The following SEMA6D variants were observed in gnomAD, a reference collection of about 807,000 sequenced individuals.
SEMA6D encodes semaphorin-6D.
SEMA6D carries 35 observed loss-of-function variants against 106.6 expected under a neutral mutation model. The observed-to-expected ratio is 0.33, with a 90% CI of 0.25 to 0.44. The LOEUF (loss-of-function observed/expected upper bound fraction) is 0.44. Ranked by LOEUF, SEMA6D falls within the 20% of genes least tolerant of loss-of-function variation. The pLI is 1.00. For synonymous variants in SEMA6D, 499 were observed against 487.7 expected (o/e 1.02, Z -0.31); for missense variants, 1,185 against 1,345.9 (o/e 0.88, Z 1.87).
At chr15:47,446,528 T>C (rs575918836) in intron 2 of SEMA6D, among the ~76,000 whole-genome samples, 10 of 152,238 alleles carry the variant, frequency 6.6e-5, no homozygotes, top group Admixed American at 5.9e-4. Context: ...CAAATGTATG[T>C]TTAAACTCTG....
chr15:47,771,207 C>T lies in SEMA6D; in HGVS notation c.2644C>T (p.Leu882Phe), dbSNP rs143359595. Reference sequence around the variant, plus strand: ...TGATTCCAGAAATACCCTCAATGATCTCCTGAAGCATCTGAATGACCCAAA... The same window carrying T: ...TGATTCCAGAAATACCCTCAATGATTTCCTGAAGCATCTGAATGACCCAAA... ...SVDSRNTLND[L>F]LKHLNDPNSN... Residue 882 changes from leucine (L) to phenylalanine (F), a missense_variant, in exon 19 of 19, where the codon CTC becomes TTC. Coordinates refer to ENST00000536845, the MANE Select transcript of SEMA6D (RefSeq NM_001358351.3). The T allele has an allele frequency of 1.9e-6, 3 of 1,614,098 alleles. No individual in the cohort carries two copies. In the African/African-American group the frequency reaches 4.0e-5, roughly 22 times the overall value.
At chr15:47,727,188 C>G (rs1247475522) in intron 1 of SEMA6D, among the ~76,000 whole-genome samples, 1 of 152,188 alleles carries the variant, frequency 6.6e-6, no homozygotes, top group African/African-American at 2.4e-5. Context: ...TAAGCACACT[C>G]CAGGCCATCT....
intron 3 of SEMA6D, among the ~76,000 whole-genome samples, chr15:47,531,332 C>T (rs574300003): frequency 3.3e-5 from 5 of 152,228 alleles, no homozygotes; most frequent in African/African-American, 9.6e-5. Flanking sequence ...AACAGGAAAT[C>T]CTCATCATAA....
chr15:47,282,645 A>G (rs1007125121), intron 1 of SEMA6D, among the ~76,000 whole-genome samples: 1 of 152,114 alleles, frequency 6.6e-6, no homozygotes, highest in Non-Finnish European at 1.5e-5. Context: ...AGACTATTTT[A>G]TTTCAAAGCC....
chr15:47,226,052 A>G (rs2031643167), intron 1 of SEMA6D, among the ~76,000 whole-genome samples: 1 of 152,108 alleles, frequency 6.6e-6, no homozygotes, highest in Non-Finnish European at 1.5e-5. Context: ...GACCAAGTTA[A>G]GATGAGGTCA....
intron 1 of SEMA6D, among the ~76,000 whole-genome samples, chr15:47,278,598 G>T (rs994718632): frequency 1.3e-5 from 2 of 152,100 alleles, no homozygotes; most frequent in Non-Finnish European, 2.9e-5. Context: ...CTTTTGCTGT[G>T]CAGAGGCTCT....
intron 4 of SEMA6D, among the ~76,000 whole-genome samples, chr15:47,610,748 C>T (rs924390157): frequency 4.8e-4 from 73 of 152,096 alleles, no homozygotes; most frequent in African/African-American, 1.7e-3. Flanking sequence ...AAGAAATTTT[C>T]CCAGCACTTA....
At chr15:47,441,484 A>G (rs1484557202) in intron 2 of SEMA6D, among the ~76,000 whole-genome samples, 2 of 152,098 alleles carry the variant, frequency 1.3e-5, no homozygotes, top group Non-Finnish European at 2.9e-5. Flanking sequence ...CTGTAAAAGA[A>G]TGTAGACACA....
intron 1 of SEMA6D, chr15:47,718,991 A>G (rs2079258199): frequency 6.6e-6 from 1 of 152,326 alleles, no homozygotes. Context: ...TTCTTCTGTC[A>G]TGTGTAATTC....
chr15:47,616,578 AG>A (rs957416851), intron 4 of SEMA6D, among the ~76,000 whole-genome samples: 1 of 26,010 alleles, frequency 3.8e-5, no homozygotes, highest in African/African-American at 8.3e-5. Context: ...CTCTCCAAAG[AG>A]GAAAAAAAAA....
intron 1 of SEMA6D, among the ~76,000 whole-genome samples, chr15:47,405,710 A>G (rs771412649): frequency 6.6e-6 from 1 of 152,136 alleles, no homozygotes; most frequent in Non-Finnish European, 1.5e-5. Context: ...TGGGGGCCTC[A>G]TATAAACTCT....
chr15:47,685,610 A>T (rs946989709), intron 4 of SEMA6D, among the ~76,000 whole-genome samples: 19 of 152,244 alleles, frequency 1.2e-4, no homozygotes, highest in South Asian at 4.2e-4. Context: ...CCTTCAAGAC[A>T]CCACAGAGCA....
intron 4 of SEMA6D, among the ~76,000 whole-genome samples, chr15:47,698,688 A>G (rs980456221): frequency 1.3e-5 from 2 of 152,232 alleles, no homozygotes; most frequent in African/African-American, 4.8e-5. Flanking sequence ...GCACACAGGT[A>G]TCTAGTCTGT....
At chr15:47,386,034 A>G (rs936656813) in intron 1 of SEMA6D, among the ~76,000 whole-genome samples, 7 of 152,222 alleles carry the variant, frequency 4.6e-5, no homozygotes, top group African/African-American at 1.4e-4. Flanking sequence ...CATACCTCAC[A>G]GAGTGTTTAC....
At chr15:47,334,775 G>A (rs1379220349) in intron 1 of SEMA6D, among the ~76,000 whole-genome samples, 2 of 152,150 alleles carry the variant, frequency 1.3e-5, no homozygotes, top group Non-Finnish European at 2.9e-5. Context: ...GTACAAAACT[G>A]TAGTTACACT....
At chr15:47,704,068 T>G (rs1194309112) in intron 4 of SEMA6D, among the ~76,000 whole-genome samples, 1 of 152,192 alleles carries the variant, frequency 6.6e-6, no homozygotes, top group Non-Finnish European at 1.5e-5. Context: ...ATTTTGCTTT[T>G]GTTTTTCAAA....
chr15:47,388,265 A>AT (rs1021820147), intron 1 of SEMA6D, among the ~76,000 whole-genome samples: 1 of 152,080 alleles, frequency 6.6e-6, no homozygotes, highest in Non-Finnish European at 1.5e-5. Flanking sequence ...ATATTCTTTT[A>AT]TTTTTTTGGC....
intron 1 of SEMA6D, among the ~76,000 whole-genome samples, chr15:47,332,300 A>G (rs955218287): frequency 6.6e-6 from 1 of 152,100 alleles, no homozygotes; most frequent in Admixed American, 6.5e-5. Context: ...ATGCTTGCAC[A>G]ATTGAAGAAA....
At chr15:47,407,092 G>T (rs1027181402) in intron 1 of SEMA6D, among the ~76,000 whole-genome samples, 2 of 151,992 alleles carry the variant, frequency 1.3e-5, no homozygotes, top group African/African-American at 2.4e-5. Context: ...CCGGGCCGGG[G>T]GGTGGCTCAT....
Sources: gnomAD v4.1 joint callset for allele counts (sites outside exome capture counted in the v4.1 genomes callset) on GRCh38, gnomAD v4.1.1 for gene constraint, MANE v1.5 for transcripts, NCBI Gene and HGNC (gene_info 2026-07-23, HGNC 2026-07-21) for gene names.